TLK2: variants seen among roughly 807,000 people sequenced by gnomAD.
The protein encoded by TLK2 is tousled like kinase 2.
In TLK2, 6 loss-of-function variants were observed where a neutral mutation model predicts 117.3. That is an observed-to-expected ratio of 0.05 (90% confidence interval 0.03 to 0.10). The LOEUF (loss-of-function observed/expected upper bound fraction) is 0.10, where lower values mean the gene tolerates loss of function less well. Ranked by LOEUF, TLK2 falls within the 10% of genes least tolerant of loss-of-function variation. The probability of loss-of-function intolerance (pLI) is 1.00; values close to 1 mark genes in which losing one functional copy is unlikely to be tolerated. For missense variants in TLK2, 299 were observed against 901.2 expected, an observed-to-expected ratio of 0.33 and a Z score of 8.56; for synonymous variants, 257 against 316.7, an observed-to-expected ratio of 0.81 and a Z score of 2.00.
At chr17:62,593,801 TTTTTTTTTTGAGATGGAGTC>T (rs1443215939) in intron 16 of TLK2, among the ~76,000 whole-genome samples, 1 of 150,324 alleles carries the variant, frequency 6.7e-6, no homozygotes, top group Non-Finnish European at 1.5e-5. Context: ...ATTTTTTTTT[TTTTTTTTTTGAGATGGAGTC>T]TCACTCTGTC....
intron 2 of TLK2, among the ~76,000 whole-genome samples, chr17:62,484,092 G>T (rs1306144861): frequency 6.6e-6 from 1 of 152,076 alleles, no homozygotes; most frequent in East Asian, 1.9e-4. Context: ...AAAGTGCTGG[G>T]ATTATAGGTG....
At chr17:62,530,891 C>G (rs2076694904) in intron 6 of TLK2, among the ~76,000 whole-genome samples, 1 of 151,484 alleles carries the variant, frequency 6.6e-6, no homozygotes, top group African/African-American at 2.4e-5. Context: ...GGTTCGCTTT[C>G]TTTTTTTTTC....
chr17:62,559,674 A>G (rs1485493718), intron 9 of TLK2, among the ~76,000 whole-genome samples: 3 of 152,090 alleles, frequency 2.0e-5, no homozygotes, highest in African/African-American at 4.8e-5. Flanking sequence ...CACGATTCCC[A>G]GCTTTAACAT....
chr17:62,474,059 C>G (rs1468012302), upstream of TLK2, among the ~76,000 whole-genome samples: 1 of 152,040 alleles, frequency 6.6e-6, no homozygotes, highest in Non-Finnish European at 1.5e-5. Flanking sequence ...ACATGCGCAT[C>G]TAACTTTTGT....
At chr17:62,559,604 C>G (rs954037281) in intron 9 of TLK2, among the ~76,000 whole-genome samples, 2 of 151,976 alleles carry the variant, frequency 1.3e-5, no homozygotes, top group African/African-American at 4.8e-5. Context: ...TCTTGAACTC[C>G]TGACCTCAAG....
rs915178623 is a variant in TLK2, at chr17:62,524,323, C to T, written c.355C>T (p.Pro119Ser). ...CTCACCGCAACATTCCTTATCCAATCCCTTACCGGTAAGCATTCACCTGGA... is the reference window on the plus strand; with the variant it reads ...CTCACCGCAACATTCCTTATCCAATTCCTTACCGGTAAGCATTCACCTGGA... ...RSSPQHSLSN[P>S]LPRRVEQPLY... The change falls in exon 6 of 22, where the codon CCC (proline) becomes TCC (serine). Residue 119 changes from proline to serine, a missense_variant. By Grantham distance (74) the Pro-to-Ser change is moderately conservative. This residue lies in a region of TLK2 where 105 missense variants were observed against 218.4 expected (regional missense o/e 0.48). Coordinates refer to ENST00000346027, the MANE Select transcript of TLK2 (RefSeq NM_006852.6). 6.2e-7 allele frequency: 1 copy of T among 1,612,402 alleles called. No individual in the cohort carries two copies. Among genetic ancestry groups the T allele is most frequent in the African/African-American group, 1.3e-5 (1 of 74,816 alleles).
intron 7 of TLK2, among the ~76,000 whole-genome samples, chr17:62,539,518 TGCCCAG>T (rs2077357906): frequency 6.6e-6 from 1 of 150,816 alleles, no homozygotes; most frequent in Non-Finnish European, 1.5e-5. Flanking sequence ...CTCACTCTGT[TGCCCAG>T]GCTGGAGTGC....
intron 11 of TLK2, among the ~76,000 whole-genome samples, chr17:62,566,427 T>C (rs1446298942): frequency 4.6e-5 from 7 of 152,238 alleles, no homozygotes; most frequent in East Asian, 1.9e-4. Context: ...GTTTTATGTG[T>C]GAAACATTAA....
intron 17 of TLK2, among the ~76,000 whole-genome samples, chr17:62,599,633 G>T (rs745698588): frequency 2.4e-4 from 36 of 152,134 alleles, no homozygotes; most frequent in Admixed American, 1.5e-3. Flanking sequence ...TTGCCTGAGG[G>T]TGCTAATGGC....
chr17:62,499,735 C>T (rs919438009), intron 2 of TLK2, among the ~76,000 whole-genome samples: 3 of 151,856 alleles, frequency 2.0e-5, no homozygotes, highest in African/African-American at 7.3e-5. Flanking sequence ...CCTGTAATCC[C>T]AGCTACTCGG....
rs2079141774 is a variant in TLK2 at position 62,560,031 on chromosome 17, A to C, written c.736A>C (p.Arg246=). ...CTCATTGAAGGCCAACTGTGATTTG[A>C]GACGGCAGATTGATGAACAGCAAAA... The part of the protein sequence containing the change: ...DDLLRANCDL[R]RQIDEQQKML... Residue 246 remains arginine (R), a synonymous_variant, in exon 10 of 22, where the codon AGA becomes CGA. Transcript: ENST00000346027. 6.2e-7 allele frequency: 1 copy of C among 1,607,956 alleles called. No individual in the cohort carries two copies. The highest frequency in any genetic ancestry group is 1.3e-5 in the African/African-American group (1 of 74,742).
chr17:62,556,654 C>T (rs2078887793), intron 9 of TLK2, among the ~76,000 whole-genome samples: 1 of 152,150 alleles, frequency 6.6e-6, no homozygotes, highest in South Asian at 2.1e-4. Flanking sequence ...GCAGCAAACA[C>T]CATAATTTGT....
chr17:62,587,215 G>T (rs896965382), intron 16 of TLK2, among the ~76,000 whole-genome samples: 1 of 152,162 alleles, frequency 6.6e-6, no homozygotes, highest in Non-Finnish European at 1.5e-5. Flanking sequence ...GCTTCTGAAC[G>T]TTGGAGTTCA....
At chr17:62,487,571 A>G (rs1196171962) in intron 2 of TLK2, among the ~76,000 whole-genome samples, 1 of 148,036 alleles carries the variant, frequency 6.8e-6, no homozygotes, top group African/African-American at 2.5e-5. Context: ...AAAATTTATG[A>G]TATTCTTTTA....
upstream of TLK2, among the ~76,000 whole-genome samples, chr17:62,473,907 C>G (rs1233684335): frequency 1.3e-5 from 2 of 151,528 alleles, no homozygotes; most frequent in African/African-American, 4.9e-5. Context: ...TTTTTCTTTT[C>G]TTTTTTTTGA....
Position 62,560,141 on chromosome 17 carries a change from T to C in TLK2, c.831+15T>C. ...TTATAGAAAAGGTTAGTGAATAATG[T>C]TGGTCTAAACTCTGTATCCCAAGAT... On this transcript the variant is annotated intron_variant, in intron 10 of 21. Coordinates refer to ENST00000346027, the MANE Select transcript of TLK2 (RefSeq NM_006852.6). 1 of 1,583,018 alleles carries C rather than the reference T, an allele frequency of 6.3e-7. No individual in the cohort carries two copies. Among genetic ancestry groups the C allele is most frequent in the Non-Finnish European group, 8.6e-7 (1 of 1,158,990 alleles).
chr17:62,564,134 A>G (rs1010564823), intron 10 of TLK2, among the ~76,000 whole-genome samples: 2 of 152,172 alleles, frequency 1.3e-5, no homozygotes, highest in African/African-American at 4.8e-5. Flanking sequence ...TGGGTGCAGT[A>G]GCTTAGGCCT....
chr17:62,599,595 T>G (rs2082731500), intron 17 of TLK2, among the ~76,000 whole-genome samples: 1 of 152,132 alleles, frequency 6.6e-6, no homozygotes, highest in Admixed American at 6.5e-5. Flanking sequence ...TGGGTTCTGG[T>G]TTCACCATCT....
intron 2 of TLK2, among the ~76,000 whole-genome samples, chr17:62,501,792 C>G (rs1410564783): frequency 6.6e-6 from 1 of 151,818 alleles, no homozygotes; most frequent in East Asian, 1.9e-4. Context: ...AGACTCATCT[C>G]TACAAAAAAT....
Sources: gnomAD v4.1 joint callset for allele counts (sites outside exome capture counted in the v4.1 genomes callset) on GRCh38, gnomAD v4.1.1 for gene constraint, gnomAD v4.1.1 regional missense constraint, MANE v1.5 for transcripts, NCBI Gene and HGNC (gene_info 2026-07-23, HGNC 2026-07-21) for gene names.